Variants in BICRAL observed in about 807,000 individuals in gnomAD.
BICRAL encodes BRD4-interacting chromatin-remodeling complex-associated protein-like.
Under a neutral mutation model 91.8 loss-of-function variants are expected in BICRAL, and 8 were observed. The observed-to-expected ratio is 0.09, with a 90% confidence interval of 0.05 to 0.16. BICRAL has a LOEUF of 0.16. Ranked by LOEUF, BICRAL falls within the 10% of genes least tolerant of loss-of-function variation. The probability of loss-of-function intolerance (pLI) is 1.00; values close to 1 mark genes in which losing one functional copy is unlikely to be tolerated. For missense variants in BICRAL, 1,038 were observed against 1,310.9 expected, an observed-to-expected ratio of 0.79 and a Z score of 3.21; for synonymous variants, 445 against 491.1, an observed-to-expected ratio of 0.91 and a Z score of 1.24.
chr6:42,818,396 G>A (rs745401748), intron 2 of BICRAL, among the ~76,000 whole-genome samples: 1 of 152,006 alleles, frequency 6.6e-6, no homozygotes, highest in Non-Finnish European at 1.5e-5. Context: ...TTATGTATTA[G>A]GGAGAAAAGC....
chr6:42,858,515 TAAAAAAAAAAAA>T (rs34689139), intron 10 of BICRAL, among the ~76,000 whole-genome samples: 2 of 113,322 alleles, frequency 1.8e-5, no homozygotes, highest in Non-Finnish European at 3.6e-5. Context: ...GACTCTGTTT[TAAAAAAAAAAAA>T]AAAAAAAAGG....
rs114889638 is a variant in BICRAL, at chr6:42,831,722, T to C, written c.1839+1550T>C. Among the ~76,000 whole-genome samples the C allele has an allele frequency of 7.0e-3, 1,054 of 151,102 alleles. 5 individuals carry two copies. Among genetic ancestry groups the C allele is most frequent in the African/African-American group, 0.023 (927 of 40,996 alleles). ...AGAAGGATTCAAAAACTTCTGTTTATATACGTCAACATATTTCAAAATCTT... is the reference window on the plus strand; with the variant it reads ...AGAAGGATTCAAAAACTTCTGTTTACATACGTCAACATATTTCAAAATCTT... On this transcript the variant is annotated intron_variant, in intron 6 of 12. Coordinates refer to ENST00000314073, the MANE Select transcript of BICRAL (RefSeq NM_001393499.1).
chr6:42,857,003 T>C (rs1380290102), intron 9 of BICRAL, 88 bp from the exon 10 acceptor site: 3 of 1,120,262 alleles, frequency 2.7e-6, no homozygotes, highest in African/African-American at 1.6e-5. Context: ...TTCCTATATA[T>C]CTTATTTTAT....
chr6:42,828,546 G>A lies in BICRAL; in HGVS notation c.213G>A (p.Gly71=), dbSNP rs1185326286. Residue 71 remains glycine (G), a synonymous_variant, in exon 6 of 13, where the codon GGG becomes GGA. Coordinates refer to ENST00000314073, the MANE Select transcript of BICRAL (RefSeq NM_001393499.1). ...LKGVSNQLGE[G]PSDGLPLSSS... ...GTGTAAGCAACCAGCTTGGAGAAGG[G>A]CCCAGTGATGGACTGCCACTTTCAA... 2 of 1,613,570 alleles carry A rather than the reference G, an allele frequency of 1.2e-6. No homozygotes were observed. Among genetic ancestry groups the A allele is most frequent in the Admixed American group, 1.7e-5 (1 of 59,950 alleles).
At chr6:42,809,259 G>A (rs765422425) in intron 1 of BICRAL, among the ~76,000 whole-genome samples, 23 of 151,754 alleles carry the variant, frequency 1.5e-4, no homozygotes, top group Non-Finnish European at 2.9e-4. Context: ...CCCTGCAAAG[G>A]ATATGAACTC....
chr6:42,774,098 C>T (rs1562454506), intron 1 of BICRAL, among the ~76,000 whole-genome samples: 1 of 152,060 alleles, frequency 6.6e-6, no homozygotes, highest in African/African-American at 2.4e-5. Context: ...TTTTGGGGTC[C>T]AGTAGTTAAG....
At chr6:42,852,390 G>C (rs781361079) in intron 7 of BICRAL, 193 bp downstream of exon 7, 2 of 677,152 alleles carry the variant, frequency 3.0e-6, no homozygotes, top group South Asian at 3.0e-5. Context: ...GGCCGGGCAC[G>C]GTGGCTCACG....
chr6:42,802,693 C>T (rs1763612183), intron 1 of BICRAL, among the ~76,000 whole-genome samples: 1 of 152,042 alleles, frequency 6.6e-6, no homozygotes, highest in African/African-American at 2.4e-5. Flanking sequence ...GTGATCTGCC[C>T]ACCTCAGCCT....
chr6:42,839,198 ACT>A (rs982153167), intron 6 of BICRAL, among the ~76,000 whole-genome samples: 10 of 151,990 alleles, frequency 6.6e-5, no homozygotes, highest in African/African-American at 2.4e-4. Context: ...ACAGAGTGAG[ACT>A]CTGTCTCCAA....
At chr6:42,749,376 C>T (rs1020755523) in intron 1 of BICRAL, among the ~76,000 whole-genome samples, 3 of 152,170 alleles carry the variant, frequency 2.0e-5, no homozygotes, top group Admixed American at 6.6e-5. Context: ...TGATAGTTAC[C>T]AGAGGCTGGG....
intron 1 of BICRAL, among the ~76,000 whole-genome samples, chr6:42,801,153 A>G (rs1304719376): frequency 6.6e-6 from 1 of 151,732 alleles, no homozygotes; most frequent in Non-Finnish European, 1.5e-5. Flanking sequence ...TCAGGAGGCT[A>G]AAACAGGGGA....
intron 10 of BICRAL, among the ~76,000 whole-genome samples, chr6:42,858,611 A>T (rs1765459693): frequency 6.6e-6 from 1 of 151,216 alleles, no homozygotes; most frequent in South Asian, 2.1e-4. Context: ...TGAGGTCAGG[A>T]GTTCGAGACC....
At chr6:42,793,122 A>ATTTTTTTTTTTTTTTTTT (rs1159342197) in intron 1 of BICRAL, among the ~76,000 whole-genome samples, 1 of 37,228 alleles carries the variant, frequency 2.7e-5, no homozygotes. Flanking sequence ...TGCCCAGCTA[A>ATTTTTTTTTTTTTTTTTT]TTTTTTTTTT....
chr6:42,860,218 G>T, intron 10 of BICRAL, 44 bp from the exon 11 acceptor site: 1 of 1,094,266 alleles, frequency 9.1e-7, no homozygotes, highest in South Asian at 1.3e-5. Context: ...CCTAGTCAGT[G>T]ATTTACAGTC....
intron 1 of BICRAL, among the ~76,000 whole-genome samples, chr6:42,800,032 A>G (rs2113896514): frequency 6.6e-6 from 1 of 151,944 alleles, no homozygotes; most frequent in East Asian, 1.9e-4. Context: ...GGCATGCACT[A>G]CCACATTCGG....
At chr6:42,861,612 G>A (rs189786530) in intron 11 of BICRAL, among the ~76,000 whole-genome samples, 129 of 152,308 alleles carry the variant, frequency 8.5e-4, no homozygotes, top group South Asian at 6.2e-4. Context: ...TACCTTGGGA[G>A]ATTGGTTGAG....
chr6:42,834,241 G>T (rs1184717488), intron 6 of BICRAL, among the ~76,000 whole-genome samples: 1 of 152,202 alleles, frequency 6.6e-6, no homozygotes, highest in East Asian at 1.9e-4. Flanking sequence ...CAGAAGTGAG[G>T]TGTCCTCAGT....
intron 5 of BICRAL, among the ~76,000 whole-genome samples, chr6:42,825,949 G>C (rs1314410461): frequency 2.0e-5 from 3 of 151,858 alleles, no homozygotes; most frequent in Admixed American, 6.6e-5. Flanking sequence ...TGGGCGTGGT[G>C]GTGGGCACCT....
intron 5 of BICRAL, among the ~76,000 whole-genome samples, chr6:42,824,194 A>G (rs1255434748): frequency 1.3e-5 from 2 of 151,936 alleles, no homozygotes; most frequent in Non-Finnish European, 2.9e-5. Flanking sequence ...TCGCACCATT[A>G]CACTCCAGCC....
Sources: allele counts gnomAD v4.1 joint callset (sites outside exome capture counted in the v4.1 genomes callset), GRCh38; gene constraint gnomAD v4.1.1; transcripts MANE v1.5; gene names NCBI Gene and HGNC (gene_info 2026-07-23, HGNC 2026-07-21).